PIK3C2A: variants seen among roughly 807,000 people sequenced by gnomAD.
PIK3C2A encodes phosphatidylinositol 4-phosphate 3-kinase C2 domain-containing subunit alpha.
Under a neutral mutation model 204.5 loss-of-function variants are expected in PIK3C2A, and 97 were observed. That is an observed-to-expected ratio of 0.47 (90% CI 0.40 to 0.56). The LOEUF is 0.56. Ranked by LOEUF, PIK3C2A falls within the 20% of genes least tolerant of loss-of-function variation. The probability of loss-of-function intolerance (pLI) is 0.00; values close to 1 mark genes in which losing one functional copy is unlikely to be tolerated. For missense variants in PIK3C2A, 1,735 were observed against 1,969.2 expected, an observed-to-expected ratio of 0.88 and a Z score of 2.25; for synonymous variants, 653 against 664.4, an observed-to-expected ratio of 0.98 and a Z score of 0.26.
chr11:17,193,834 G>T (rs560160285), intron 1 of PIK3C2A: 3 of 127,266 alleles, frequency 2.4e-5, no homozygotes, highest in Non-Finnish European at 4.3e-5. Flanking sequence ...AACAGAGCGA[G>T]ACTCTGTCTC....
At chr11:17,153,993 C>T (rs1850502921) in intron 3 of PIK3C2A, among the ~76,000 whole-genome samples, 1 of 152,160 alleles carries the variant, frequency 6.6e-6, no homozygotes, top group South Asian at 2.1e-4. Flanking sequence ...GTATTTGTTG[C>T]AGTCATAGTC....
rs370201648 is a variant in PIK3C2A at position 17,094,311 on chromosome 11, C to T, written c.4401G>A (p.Gln1467=). ...TAATACTGAGCTTATTGTGAAGTTC[C>T]TGAAATTCGTCAAATGTTCGGAAGA... is the stretch of plus-strand genomic sequence containing the variant. ...SFVFRTFDEF[Q]ELHNKLSIIF... The change falls in exon 28 of 33, where the codon CAG becomes CAA. Residue 1467 remains glutamine, a synonymous_variant. Coordinates refer to ENST00000691414, the MANE Select transcript of PIK3C2A (RefSeq NM_002645.4). 156 of 1,611,078 alleles carry T rather than the reference C, an allele frequency of 9.7e-5. No individual in the cohort carries two copies. Among genetic ancestry groups the T allele is most frequent in the Non-Finnish European group, 1.3e-4 (152 of 1,177,338 alleles).
chr11:17,180,351 G>C (rs766354097), intron 1 of PIK3C2A, among the ~76,000 whole-genome samples: 2 of 152,008 alleles, frequency 1.3e-5, no homozygotes, highest in Admixed American at 6.6e-5. Context: ...CTGGGCCACA[G>C]AGCCAGACTC....
At position 17,086,684 on chromosome 11, in the gene PIK3C2A, A is replaced by G. The variant is rs1248135690; in HGVS notation, c.*3054T>C. 6.6e-6 allele frequency: 1 copy of G among 152,210 alleles called. No individual in the cohort carries two copies. The highest frequency in any genetic ancestry group is 1.5e-5 in the Non-Finnish European group (1 of 68,034). 9.4% of individuals were successfully genotyped at this position (152,210 alleles called of 1,614,324 possible). A position where few individuals can be genotyped will look rare whatever the true frequency, so the allele number is the denominator to read the frequency against. ...AAAATATTATACATCTTTATTCACT[A>G]TCTTAATATAATTAAAGTATTTGGT... On this transcript the variant is annotated 3_prime_UTR_variant, in exon 33 of 33. Coordinates refer to ENST00000691414, the MANE Select transcript of PIK3C2A (RefSeq NM_002645.4).
At chr11:17,196,872 C>A (rs1014723081) in intron 1 of PIK3C2A, among the ~76,000 whole-genome samples, 28 of 151,846 alleles carry the variant, frequency 1.8e-4, no homozygotes, top group African/African-American at 6.8e-4. Context: ...AGCCACCGTG[C>A]CCGGCAAGGA....
At position 17,150,589 on chromosome 11, in the gene PIK3C2A, T is replaced by C. The variant is rs562277149; in HGVS notation, c.1236A>G (p.Thr412=). The C allele has an allele frequency of 6.2e-6, 10 of 1,611,934 alleles. No individual in the cohort carries two copies. In the African/African-American group the frequency reaches 6.7e-5, roughly 11 times the overall value. Residue 412 remains threonine (T), a synonymous_variant, in exon 4 of 33, where the codon ACA becomes ACG. Transcript: ENST00000691414. ...TNPGYLLSPV[T]AQRNICGENA... is the part of the protein sequence containing the mutation. ...TTTCTCCGCATATGTTTCTTTGTGC[T>C]GTGACTGGACTTAACAAATAGCCTG...
At chr11:17,182,392 C>A (rs1300187038) in intron 1 of PIK3C2A, among the ~76,000 whole-genome samples, 1 of 151,660 alleles carries the variant, frequency 6.6e-6, no homozygotes, top group African/African-American at 2.4e-5. Flanking sequence ...CATGGCAAAA[C>A]CCCATCTCTA....
At chr11:17,205,473 C>CAAAAAAA (rs755518412) in intron 1 of PIK3C2A, among the ~76,000 whole-genome samples, 1 of 25,366 alleles carries the variant, frequency 3.9e-5, no homozygotes, top group African/African-American at 1.1e-4. Flanking sequence ...GACTCCATCT[C>CAAAAAAA]AAAAAAAAAA....
At chr11:17,128,404 A>G (rs532266530) in intron 13 of PIK3C2A, among the ~76,000 whole-genome samples, 27 of 151,062 alleles carry the variant, frequency 1.8e-4, no homozygotes, top group Non-Finnish European at 3.5e-4. Flanking sequence ...CCAGCTAGCT[A>G]ATGTTTATAT....
Position 17,108,119 on chromosome 11 carries a change from G to A in PIK3C2A, c.3544+2313C>T, listed in dbSNP as rs186579657. Among the ~76,000 whole-genome samples, 126 of 152,274 alleles carry A rather than the reference G, an allele frequency of 8.3e-4. 1 individual carries two copies. The highest frequency in any genetic ancestry group is 2.8e-3 in the African/African-American group (118 of 41,564). On this transcript the variant is annotated intron_variant, in intron 22 of 32. Transcript: ENST00000691414. ...ACTTCTGGCCTCAAGGGATCTGCCC[G>A]CCTCGGCCTCCCAAAGTGCTGGGAT...
At chr11:17,122,386 T>A in intron 14 of PIK3C2A, 53 bp from the exon 15 acceptor site, 1 of 1,118,620 alleles carries the variant, frequency 8.9e-7, no homozygotes, top group Non-Finnish European at 1.3e-6. Context: ...TTTGCCACAT[T>A]AACCTCTTTG....
Position 17,114,225 on chromosome 11 carries a change from T to A in PIK3C2A, c.3321+136A>T, listed in dbSNP as rs76530549. On this transcript the variant is annotated intron_variant, in intron 20 of 32. Coordinates refer to ENST00000691414, the MANE Select transcript of PIK3C2A (RefSeq NM_002645.4). The stretch of plus-strand genomic sequence containing the variant: ...AAAAATATGCTAAGATAAATATGGA[T>A]CCTAATCACAACCATCCATGCTTAT... The A allele has an allele frequency of 5.5e-4, 265 of 479,626 alleles. 1 individual carries two copies. Among genetic ancestry groups the A allele is most frequent in the African/African-American group, 4.2e-3 (220 of 52,344 alleles). 29.7% of individuals were successfully genotyped at this position (479,626 alleles called of 1,614,324 possible).
At chr11:17,147,827 C>T (rs967928217) in intron 5 of PIK3C2A, among the ~76,000 whole-genome samples, 199 bp from the exon 6 acceptor site, 4 of 151,966 alleles carry the variant, frequency 2.6e-5, no homozygotes, top group African/African-American at 9.7e-5. Context: ...AAGATGAAGA[C>T]AAAGATGAAG....
At chr11:17,100,546 G>A (rs1042679617) in intron 25 of PIK3C2A, among the ~76,000 whole-genome samples, 41 of 151,512 alleles carry the variant, frequency 2.7e-4, no homozygotes, top group Non-Finnish European at 5.9e-4. Flanking sequence ...TACTTTTATA[G>A]ATTTAGGGGG....
At chr11:17,128,793 C>T (rs551555821) in intron 13 of PIK3C2A, among the ~76,000 whole-genome samples, 136 of 152,142 alleles carry the variant, frequency 8.9e-4, no homozygotes, top group African/African-American at 3.1e-3. Flanking sequence ...GGAAAGAATC[C>T]CTAATAGGGT....
intron 1 of PIK3C2A, among the ~76,000 whole-genome samples, chr11:17,198,728 G>A (rs1477889556): frequency 2.0e-5 from 3 of 151,826 alleles, no homozygotes; most frequent in Non-Finnish European, 4.4e-5. Flanking sequence ...TCAGGTCAAG[G>A]CTATACTGCA....
At chr11:17,127,043 A>C (rs1350218466) in intron 13 of PIK3C2A, among the ~76,000 whole-genome samples, 1 of 152,170 alleles carries the variant, frequency 6.6e-6, no homozygotes, top group African/African-American at 2.4e-5. Flanking sequence ...TAATTTATCA[A>C]AGACAGTGGT....
chr11:17,190,576 A>C (rs2137549380), intron 1 of PIK3C2A, among the ~76,000 whole-genome samples: 1 of 31,572 alleles, frequency 3.2e-5, no homozygotes, highest in Admixed American at 4.0e-4. Context: ...CTCTGTCTCA[A>C]AAAAAAAAAA....
intron 2 of PIK3C2A, among the ~76,000 whole-genome samples, chr11:17,158,078 G>A (rs374833178): frequency 2.0e-5 from 3 of 152,058 alleles, no homozygotes; most frequent in African/African-American, 4.8e-5. Context: ...GGCTGGGCAC[G>A]GTGGCTCATG....
Sources: gnomAD v4.1 joint callset for allele counts (sites outside exome capture counted in the v4.1 genomes callset) on GRCh38, gnomAD v4.1.1 for gene constraint, MANE v1.5 for transcripts, NCBI Gene and HGNC (gene_info 2026-07-23, HGNC 2026-07-21) for gene names.